VPS53: variants seen among roughly 807,000 people sequenced by gnomAD.
VPS53 encodes VPS53 subunit of GARP complex.
VPS53 carries 70 observed loss-of-function variants against 107.0 expected under a neutral mutation model. That is an observed-to-expected ratio of 0.65 (90% confidence interval 0.54 to 0.80). The LOEUF is 0.80. Ranked by LOEUF, VPS53 falls within the 30% of genes least tolerant of loss-of-function variation. The pLI is 0.00. For missense variants in VPS53, 917 were observed against 1,049.4 expected (o/e 0.87, Z 1.74); for synonymous variants, 409 against 393.3 (o/e 1.04, Z -0.47).
intron 11 of VPS53, among the ~76,000 whole-genome samples, chr17:612,041 C>T (rs1490912018): frequency 1.7e-4 from 26 of 148,596 alleles, no homozygotes; most frequent in African/African-American, 6.0e-4. Context: ...CAAATATTCA[C>T]AGTGAGTTCA....
Position 712,382 on chromosome 17 carries a change from T to A in VPS53, c.88-1769A>T, listed in dbSNP as rs539991307. Among the ~76,000 whole-genome samples the A allele has an allele frequency of 2.6e-5, 4 of 151,592 alleles. 1 individual carries two copies. In the South Asian group the frequency reaches 8.3e-4, roughly 32 times the overall value. ...TTTTAGGAGAGACGGGGTTTCACCA[T>A]GTTGGCCAGGCTGGTCTTGAACTCC... On this transcript the variant is annotated intron_variant, in intron 1 of 21. Transcript: ENST00000437048.
At chr17:548,323 C>T (rs571713917) in intron 17 of VPS53, among the ~76,000 whole-genome samples, 10 of 151,848 alleles carry the variant, frequency 6.6e-5, no homozygotes, top group South Asian at 2.1e-4. Flanking sequence ...AGTCTCCTTC[C>T]GTCAACTCAG....
At chr17:568,427 T>TC (rs397693595) in intron 13 of VPS53, among the ~76,000 whole-genome samples, 1 of 151,358 alleles carries the variant, frequency 6.6e-6, no homozygotes, top group African/African-American at 2.4e-5. Flanking sequence ...GGCTTTTTTT[T>TC]GTAGAGACAG....
chr17:555,456 C>A (rs1243190030), intron 15 of VPS53, among the ~76,000 whole-genome samples: 1 of 152,170 alleles, frequency 6.6e-6, no homozygotes, highest in South Asian at 2.1e-4. Flanking sequence ...CTCAGCCTCC[C>A]AAAGTGCTGG....
rs932020649 is a variant in VPS53 at position 661,886 on chromosome 17, C to T, written c.295G>A (p.Glu99Lys). ...VGQDGRQALE[E>K]AQKAIQQLFG... ...AGTTGTTGGATAGCTTTCTGAGCCT[C>T]TTCAAGCGCCTAGAGTAAGGGAAAT... The change falls in exon 5 of 22, where the codon GAG becomes AAG. Residue 99 changes from glutamate to lysine, a missense_variant. Physicochemically the swap from Glu to Lys is moderately conservative, Grantham distance 56. Transcript: ENST00000437048. 1 of 1,552,212 alleles carries T rather than the reference C, an allele frequency of 6.4e-7. No homozygotes were observed. Among genetic ancestry groups the T allele is most frequent in the Admixed American group, 2.0e-5 (1 of 50,992 alleles).
At chr17:614,708 T>C (rs1160220511) in intron 11 of VPS53, among the ~76,000 whole-genome samples, 1 of 152,164 alleles carries the variant, frequency 6.6e-6, no homozygotes, top group East Asian at 1.9e-4. Context: ...TGAGACATGC[T>C]GGGTGGTCTT....
intron 7 of VPS53, among the ~76,000 whole-genome samples, chr17:635,016 T>A (rs968194644): frequency 5.9e-5 from 9 of 152,192 alleles, no homozygotes; most frequent in Non-Finnish European, 1.3e-4. Flanking sequence ...CCACCAACAG[T>A]GTAAAATTGT....
intron 13 of VPS53, among the ~76,000 whole-genome samples, chr17:577,141 T>C (rs1300448133): frequency 6.8e-6 from 1 of 147,996 alleles, no homozygotes; most frequent in East Asian, 2.0e-4. Flanking sequence ...ACCTAATGCT[T>C]TCCCAGAAAA....
intron 17 of VPS53, among the ~76,000 whole-genome samples, chr17:549,658 T>C (rs3744734): frequency 0.57 from 86,166 of 151,896 alleles, 24,886 homozygotes; most frequent in East Asian, 0.7. Flanking sequence ...CTGAAGTGTG[T>C]GGCAGTTCAG....
At chr17:609,284 G>A (rs1228697446) in intron 11 of VPS53, among the ~76,000 whole-genome samples, 1 of 152,154 alleles carries the variant, frequency 6.6e-6, no homozygotes, top group Non-Finnish European at 1.5e-5. Context: ...CTTTCACTCG[G>A]CATGGTGTGT....
At chr17:571,132 G>C (rs568938068) in intron 13 of VPS53, among the ~76,000 whole-genome samples, 12 of 151,684 alleles carry the variant, frequency 7.9e-5, no homozygotes, top group Middle Eastern at 3.4e-3. Context: ...GAGCAACATG[G>C]TGAGACCCTG....
At chr17:546,564 C>T (rs1260336944) in intron 17 of VPS53, among the ~76,000 whole-genome samples, 4 of 152,124 alleles carry the variant, frequency 2.6e-5, no homozygotes, top group Admixed American at 2.0e-4. Context: ...ACATTTAATT[C>T]TCATTTCTTC....
chr17:656,076 C>T (rs1355620550), intron 5 of VPS53, 123 bp from the exon 6 acceptor site: 1 of 657,478 alleles, frequency 1.5e-6, no homozygotes, highest in East Asian at 2.9e-5. Context: ...GGTTAGCAAA[C>T]ATTCTCACAA....
At position 519,093 on chromosome 17, in the gene VPS53, G is replaced by T. The variant is rs961056475; in HGVS notation, c.*35C>A. 1 of 1,469,412 alleles carries T rather than the reference G, an allele frequency of 6.8e-7. No individual in the cohort carries two copies. The allele number at this position is 1,469,412 out of a possible 1,614,324, so 91.0% of individuals were successfully genotyped here. A position where few individuals can be genotyped will look rare whatever the true frequency, so the allele number is the denominator to read the frequency against. On this transcript the variant is annotated 3_prime_UTR_variant, in exon 22 of 22. Transcript: ENST00000437048. The surrounding 1 kb of genome is among the most constrained non-coding windows in gnomAD (Gnocchi z 5.0). ...GGCTTCTGGGGAACGGGCGCTGAGG[G>T]TCTCCAGCCAGGAGCAAAGGGCCCC...
Position 518,811 on chromosome 17 carries a change from G to A in VPS53, c.*317C>T, listed in dbSNP as rs369015083. 4.8e-5 allele frequency: 10 copies of A among 209,592 alleles called. No individual in the cohort carries two copies. The highest frequency in any genetic ancestry group is 1.9e-4 in the African/African-American group (8 of 42,296). 13.0% of individuals were successfully genotyped at this position (209,592 alleles called of 1,614,324 possible). A position where few individuals can be genotyped will look rare whatever the true frequency, so the allele number is the denominator to read the frequency against. ...AAAAAAAAGGACGGGTGGGGCCCAC[G>A]TGTCAAGAGGGTGTGACTGCCATGG... On this transcript the variant is annotated 3_prime_UTR_variant, in exon 22 of 22. Coordinates refer to ENST00000437048, the MANE Select transcript of VPS53 (RefSeq NM_001128159.3).
chr17:537,213 C>A (rs762639879), intron 17 of VPS53, 37 bp from the exon 18 acceptor site: 2 of 1,609,376 alleles, frequency 1.2e-6, no homozygotes, highest in Non-Finnish European at 1.7e-6. Flanking sequence ...GAATCCCTCG[C>A]AGGAGAACGG....
chr17:657,539 A>C (rs1382767544), intron 5 of VPS53: 1 of 1,282,966 alleles, frequency 7.8e-7, no homozygotes, highest in East Asian at 2.3e-5. Flanking sequence ...TCTTGGCACC[A>C]CGAGCCATGG....
At chr17:565,706 T>C (rs1186470219) in intron 13 of VPS53, among the ~76,000 whole-genome samples, 2 of 151,702 alleles carry the variant, frequency 1.3e-5, no homozygotes, top group Admixed American at 6.6e-5. Context: ...TCCCGGTCAG[T>C]GGGCCTCGCA....
chr17:622,091 A>C (rs1008816874), intron 11 of VPS53, among the ~76,000 whole-genome samples: 1 of 152,046 alleles, frequency 6.6e-6, no homozygotes, highest in Non-Finnish European at 1.5e-5. Flanking sequence ...GTGCACCTGT[A>C]ATCCCAGCTA....
Sources: gnomAD v4.1 joint callset for allele counts (sites outside exome capture counted in the v4.1 genomes callset) on GRCh38, gnomAD v4.1.1 for gene constraint, Gnocchi (gnomAD v3.1) non-coding constraint, MANE v1.5 for transcripts, NCBI Gene and HGNC (gene_info 2026-07-23, HGNC 2026-07-21) for gene names.